Variants in ADD2 observed in about 807,000 individuals in gnomAD.
ADD2 encodes the protein beta-adducin.
Under a neutral mutation model 83.0 loss-of-function variants are expected in ADD2, and 23 were observed. That is an observed-to-expected ratio of 0.28 (90% confidence interval 0.20 to 0.39). The LOEUF (loss-of-function observed/expected upper bound fraction) is 0.39. Among genes scored for constraint, ADD2 ranks in the 10% least tolerant of loss-of-function variants. The pLI is 1.00. For synonymous variants in ADD2, 375 were observed against 375.4 expected (o/e 1.00, Z 0.01); for missense variants, 758 against 944.9 (o/e 0.80, Z 2.59).
Position 70,663,211 on chromosome 2 carries a change from C to T in ADD2, c.*214G>A, listed in dbSNP as rs1290786123. 11 of 563,738 alleles carry T rather than the reference C, an allele frequency of 2.0e-5. No individual in the cohort carries two copies. Among genetic ancestry groups the T allele is most frequent in the Admixed American group, 6.5e-5 (2 of 30,768 alleles). The allele number at this position is 563,738 out of a possible 1,614,324, so 34.9% of individuals were successfully genotyped here. On this transcript the variant is annotated 3_prime_UTR_variant, in exon 16 of 16. Coordinates refer to ENST00000264436, the MANE Select transcript of ADD2 (RefSeq NM_001617.4). ...ACCTGAATTCGAGTGCAGGCTCTGC[C>T]GCTAACTAGCTGTGTGACCTTGGGC...
Position 70,692,579 on chromosome 2 carries a change from T to C in ADD2, c.556-27A>G, listed in dbSNP as rs782290576. 11 of 1,567,220 alleles carry C rather than the reference T, an allele frequency of 7.0e-6. No homozygotes were observed. The South Asian group carries it at 9.4e-5, about 13-fold the overall frequency. On this transcript the variant is annotated intron_variant, in intron 6 of 15. Coordinates refer to ENST00000264436, the MANE Select transcript of ADD2 (RefSeq NM_001617.4). ...TGCGCCAGGGAAGAAGAGAGACTTA[T>C]GGCAACAGGGTGGCCGAGGCCCCGC... is the stretch of plus-strand genomic sequence containing the variant.
intron 4 of ADD2, among the ~76,000 whole-genome samples, chr2:70,701,644 T>G (rs1337530812): frequency 6.6e-6 from 1 of 152,028 alleles, no homozygotes; most frequent in Non-Finnish European, 1.5e-5. Flanking sequence ...ATATTAAAAT[T>G]TAAATAAGAG....
At position 70,676,829 on chromosome 2, in the gene ADD2, C is replaced by T; in HGVS notation, c.1560G>A (p.Leu520=). ...VKSAGPQSQL[L]ASVIAEKSRS... ...GGCTCTTCTCGGCAATGACGCTCGCCAGGAGCTGGGACTGAGGCCCCGCTG... is the reference window on the plus strand; with the variant it reads ...GGCTCTTCTCGGCAATGACGCTCGCTAGGAGCTGGGACTGAGGCCCCGCTG... The change falls in exon 13 of 16, where the codon CTG becomes CTA. Residue 520 remains leucine (L), a synonymous_variant. Coordinates refer to ENST00000264436, the MANE Select transcript of ADD2 (RefSeq NM_001617.4). The surrounding 1 kb of genome is among the most constrained non-coding windows in gnomAD (Gnocchi z 4.8). 1 of 1,614,200 alleles carries T rather than the reference C, an allele frequency of 6.2e-7. No homozygotes were observed. Among genetic ancestry groups the T allele is most frequent in the Admixed American group, 1.7e-5 (1 of 60,026 alleles).
intron 4 of ADD2, among the ~76,000 whole-genome samples, chr2:70,703,006 G>T (rs1671679210): frequency 1.3e-5 from 2 of 152,030 alleles, no homozygotes. Context: ...CGTGCCCGTG[G>T]TCCCAGCTAC....
intron 9 of ADD2, among the ~76,000 whole-genome samples, chr2:70,685,900 G>A (rs977189950): frequency 8.5e-5 from 13 of 152,194 alleles, no homozygotes; most frequent in Admixed American, 5.9e-4. Context: ...TCTGCCTGTC[G>A]GCAGAGCAGG....
intron 1 of ADD2, among the ~76,000 whole-genome samples, chr2:70,755,044 C>G (rs1357883618): frequency 1.3e-5 from 2 of 152,286 alleles, no homozygotes; most frequent in Non-Finnish European, 2.9e-5. Context: ...TTAGTTAAAC[C>G]CTATGTGACC....
chr2:70,765,736 T>C (rs1466893303), intron 1 of ADD2, among the ~76,000 whole-genome samples: 1 of 152,244 alleles, frequency 6.6e-6, no homozygotes, highest in Non-Finnish European at 1.5e-5. Context: ...TTTTGTTTCC[T>C]GCCCGTAGCC....
intron 1 of ADD2, among the ~76,000 whole-genome samples, chr2:70,722,555 C>T (rs1672782791): frequency 6.6e-6 from 1 of 152,178 alleles, no homozygotes; most frequent in South Asian, 2.1e-4. Flanking sequence ...CTTGGGAGAG[C>T]CCCTTGACAC....
intron 1 of ADD2, among the ~76,000 whole-genome samples, chr2:70,758,154 C>T (rs1186157306): frequency 1.3e-5 from 2 of 152,180 alleles, no homozygotes; most frequent in Non-Finnish European, 2.9e-5. Context: ...CATTCTGTTT[C>T]TTGAGTAAAT....
intron 1 of ADD2, among the ~76,000 whole-genome samples, chr2:70,726,186 C>CA (rs34333514): frequency 0.37 from 16,575 of 45,016 alleles, 4,763 homozygotes; most frequent in East Asian, 0.44. Flanking sequence ...GACTCCATCT[C>CA]AAAAAAAAAA....
intron 9 of ADD2, among the ~76,000 whole-genome samples, chr2:70,686,951 C>T (rs1412196914): frequency 1.3e-5 from 2 of 152,200 alleles, no homozygotes; most frequent in Non-Finnish European, 2.9e-5. Context: ...AGAGTGCCTC[C>T]AAGAGAAAGA....
chr2:70,669,185 G>A (rs1350680886), intron 15 of ADD2, among the ~76,000 whole-genome samples: 1 of 152,214 alleles, frequency 6.6e-6, no homozygotes, highest in Non-Finnish European at 1.5e-5. Context: ...CATTGAGCTG[G>A]ATGCTGGCCA....
chr2:70,762,639 A>G (rs1433303595), intron 1 of ADD2, among the ~76,000 whole-genome samples: 1 of 149,550 alleles, frequency 6.7e-6, no homozygotes, highest in Non-Finnish European at 1.5e-5. Flanking sequence ...AAATATAACT[A>G]TATTATATGG....
intron 10 of ADD2, among the ~76,000 whole-genome samples, chr2:70,682,198 C>T (rs911714561): frequency 2.2e-4 from 34 of 152,136 alleles, no homozygotes; most frequent in African/African-American, 8.0e-4. Flanking sequence ...TTTTCATCAA[C>T]GTTCAAAGAA....
At chr2:70,689,620 G>C (rs1159401832) in intron 8 of ADD2, among the ~76,000 whole-genome samples, 5 of 152,246 alleles carry the variant, frequency 3.3e-5, no homozygotes, top group Non-Finnish European at 5.9e-5. Context: ...TGTCAGGAGA[G>C]AGAGGTGGGA....
chr2:70,681,188 T>C (rs1553369462), intron 10 of ADD2, among the ~76,000 whole-genome samples: 2 of 152,202 alleles, frequency 1.3e-5, no homozygotes, highest in African/African-American at 4.8e-5. Context: ...TGGAGGTATC[T>C]TTTCAGGCTT....
intron 1 of ADD2, among the ~76,000 whole-genome samples, chr2:70,750,757 G>A (rs1553382817): frequency 6.6e-6 from 1 of 152,146 alleles, no homozygotes; most frequent in African/African-American, 2.4e-5. Flanking sequence ...CATTTAAGGA[G>A]ATCTCCATTT....
chr2:70,733,018 T>TG (rs1673360966), intron 1 of ADD2, among the ~76,000 whole-genome samples: 1 of 152,216 alleles, frequency 6.6e-6, no homozygotes, highest in Non-Finnish European at 1.5e-5. Flanking sequence ...TCACAGCCAC[T>TG]CTTGGCTCAT....
chr2:70,745,065 T>C (rs1443439831), intron 1 of ADD2, among the ~76,000 whole-genome samples: 1 of 151,962 alleles, frequency 6.6e-6, no homozygotes, highest in Admixed American at 6.5e-5. Context: ...GGCGGGCGGA[T>C]CTTGAGGTCA....
Sources: allele counts gnomAD v4.1 joint callset (sites outside exome capture counted in the v4.1 genomes callset), GRCh38; gene constraint gnomAD v4.1.1; non-coding constraint Gnocchi (gnomAD v3.1); transcripts MANE v1.5; gene names NCBI Gene and HGNC (gene_info 2026-07-23, HGNC 2026-07-21).